Variants in RAB38 observed in about 807,000 individuals in gnomAD.
The protein encoded by RAB38 is ras-related protein Rab-38.
Under a neutral mutation model 18.4 loss-of-function variants are expected in RAB38, and 15 were observed. That is an observed-to-expected ratio of 0.82 (90% CI 0.55 to 1.26). The LOEUF (loss-of-function observed/expected upper bound fraction) is 1.26. RAB38 is among the 50% of genes most tolerant of loss of function. RAB38 has a pLI of 0.00. For synonymous variants in RAB38, 101 were observed against 104.4 expected, an observed-to-expected ratio of 0.97 and a Z score of 0.20; for missense variants, 294 against 267.4, an observed-to-expected ratio of 1.10 and a Z score of -0.69.
the RAB38 span, among the ~76,000 whole-genome samples, chr11:88,076,956 C>CAAAAAAAA: frequency 2.3e-5 from 1 of 42,912 alleles, no homozygotes; most frequent in East Asian, 7.1e-4. Flanking sequence ...GAGACTCCAT[C>CAAAAAAAA]AAAAAAAAAA....
the RAB38 span, among the ~76,000 whole-genome samples, chr11:87,854,243 G>T: frequency 6.6e-6 from 1 of 152,112 alleles, no homozygotes; most frequent in Non-Finnish European, 1.5e-5. Flanking sequence ...GGTAAATGAA[G>T]AATTTCTAGT....
the RAB38 span, among the ~76,000 whole-genome samples, chr11:87,833,461 G>C: frequency 6.6e-6 from 1 of 152,014 alleles, no homozygotes; most frequent in African/African-American, 2.4e-5. Flanking sequence ...TCTTTCTGTT[G>C]ACATCTCATT....
chr11:88,072,676 C>T, the RAB38 span, among the ~76,000 whole-genome samples: 67 of 152,074 alleles, frequency 4.4e-4, no homozygotes, highest in African/African-American at 1.6e-3. Context: ...AAAATACAAA[C>T]ATTTTAAACT....
the RAB38 span, among the ~76,000 whole-genome samples, chr11:87,974,803 A>T: frequency 1.3e-5 from 2 of 151,884 alleles, no homozygotes; most frequent in African/African-American, 2.4e-5. Flanking sequence ...ATGATCAGAA[A>T]AAAAAAGGTG....
intron 2 of RAB38, among the ~76,000 whole-genome samples, chr11:88,126,768 G>A (rs563875959): frequency 3.7e-4 from 56 of 152,160 alleles, no homozygotes; most frequent in African/African-American, 1.3e-3. Context: ...TAACCTCCAG[G>A]AAGTCACCAT....
At chr11:87,914,187 CA>C in the RAB38 span, among the ~76,000 whole-genome samples, 7 of 150,592 alleles carry the variant, frequency 4.6e-5, no homozygotes, top group Middle Eastern at 3.4e-3. Context: ...CGGAAGAACA[CA>C]AAAAAAAGAG....
chr11:87,830,309 C>T, the RAB38 span, among the ~76,000 whole-genome samples: 1 of 151,912 alleles, frequency 6.6e-6, no homozygotes, highest in African/African-American at 2.4e-5. Flanking sequence ...GTGTAACCCC[C>T]CATCTCTACA....
At chr11:87,954,299 A>T in the RAB38 span, among the ~76,000 whole-genome samples, 1 of 152,086 alleles carries the variant, frequency 6.6e-6, no homozygotes, top group Non-Finnish European at 1.5e-5. Context: ...TCATGGTGGG[A>T]ACAACAGCCA....
the RAB38 span, among the ~76,000 whole-genome samples, chr11:87,813,499 TCACACA>T: frequency 0.025 from 3,742 of 146,878 alleles, 65 homozygotes; most frequent in Non-Finnish European, 0.037. Context: ...ATCATACACA[TCACACA>T]CACACACACA....
the RAB38 span, among the ~76,000 whole-genome samples, chr11:87,895,930 T>C: frequency 6.6e-6 from 1 of 151,724 alleles, no homozygotes; most frequent in Non-Finnish European, 1.5e-5. Context: ...TCTTCACATA[T>C]ACTTGTGCCT....
the RAB38 span, among the ~76,000 whole-genome samples, chr11:87,959,257 C>G: frequency 6.6e-6 from 1 of 152,126 alleles, no homozygotes; most frequent in Non-Finnish European, 1.5e-5. Context: ...AAAATGCATT[C>G]TGATCTAGAA....
At chr11:87,815,832 T>C in the RAB38 span, 3 of 152,326 alleles carry the variant, frequency 2.0e-5, no homozygotes, top group East Asian at 5.8e-4. Flanking sequence ...TTTCTAGGAA[T>C]ATAAATGACC....
chr11:88,060,446 T>C, the RAB38 span, among the ~76,000 whole-genome samples: 1 of 152,288 alleles, frequency 6.6e-6, no homozygotes, highest in East Asian at 1.9e-4. Flanking sequence ...TAAAAGGAAG[T>C]GATAGCTTTA....
the RAB38 span, among the ~76,000 whole-genome samples, chr11:87,868,616 A>AGAGAAG: frequency 7.0e-6 from 1 of 143,484 alleles, no homozygotes; most frequent in African/African-American, 2.6e-5. Flanking sequence ...AGAGAGAGAG[A>AGAGAAG]GAGAGAGAAT....
chr11:87,940,126 T>C, the RAB38 span, among the ~76,000 whole-genome samples: 1 of 140,034 alleles, frequency 7.1e-6, no homozygotes, highest in African/African-American at 2.7e-5. Flanking sequence ...AAGAAAAAAA[T>C]GTAACAGGAA....
the RAB38 span, among the ~76,000 whole-genome samples, chr11:88,066,847 T>C: frequency 6.6e-6 from 1 of 152,230 alleles, no homozygotes; most frequent in South Asian, 2.1e-4. Flanking sequence ...TTGATAAGTT[T>C]TTCAAATGCT....
At chr11:88,018,097 T>C in the RAB38 span, among the ~76,000 whole-genome samples, 1 of 152,122 alleles carries the variant, frequency 6.6e-6, no homozygotes, top group Non-Finnish European at 1.5e-5. Flanking sequence ...CTCTTTCTTT[T>C]GTAAATTGCC....
chr11:88,016,175 T>G, the RAB38 span, among the ~76,000 whole-genome samples: 3 of 152,118 alleles, frequency 2.0e-5, no homozygotes, highest in Non-Finnish European at 4.4e-5. Context: ...ATCCAAACTT[T>G]TATTGTCTAA....
At chr11:88,142,627 A>G (rs977940024) in intron 2 of RAB38, among the ~76,000 whole-genome samples, 5 of 152,216 alleles carry the variant, frequency 3.3e-5, no homozygotes. Context: ...CAGGGATTCT[A>G]ATTTGAGTTC....
Sources: gnomAD v4.1 joint callset for allele counts (sites outside exome capture counted in the v4.1 genomes callset) on GRCh38, gnomAD v4.1.1 for gene constraint, MANE v1.5 for transcripts, NCBI Gene and HGNC (gene_info 2026-07-23, HGNC 2026-07-21) for gene names.